The following FAM237A variants were observed in gnomAD, a reference collection of about 807,000 sequenced individuals.
FAM237A encodes the protein protein FAM237A.
FAM237A carries 14 observed loss-of-function variants against 12.5 expected under a neutral mutation model. The ratio of observed to expected loss-of-function variants is 1.12; its 90% CI spans 0.74 to 1.75. The LOEUF (loss-of-function observed/expected upper bound fraction) is 1.75. FAM237A is among the 40% of genes most tolerant of loss of function. FAM237A has a pLI of 0.00. For missense variants in FAM237A, 240 were observed against 211.7 expected (o/e 1.13, Z -0.83); for synonymous variants, 85 against 77.5 (o/e 1.10, Z -0.51).
intron 2 of FAM237A, among the ~76,000 whole-genome samples, chr2:206,645,738 A>C (rs1055059576): frequency 2.0e-5 from 3 of 152,206 alleles, no homozygotes; most frequent in African/African-American, 7.2e-5. Flanking sequence ...AAAAACCCAG[A>C]TAATTCATGG....
At chr2:206,648,460 G>A (rs1017834331) in intron 2 of FAM237A, among the ~76,000 whole-genome samples, 1 of 151,958 alleles carries the variant, frequency 6.6e-6, no homozygotes, top group Non-Finnish European at 1.5e-5. Flanking sequence ...ATTTGTTTTA[G>A]ATTATATAAC....
At chr2:206,646,517 T>C (rs188062502) in intron 2 of FAM237A, among the ~76,000 whole-genome samples, 1 of 152,334 alleles carries the variant, frequency 6.6e-6, no homozygotes, top group African/African-American at 2.4e-5. Flanking sequence ...TCCTTCGTCT[T>C]GCTACGGAGT....
intron 2 of FAM237A, among the ~76,000 whole-genome samples, chr2:206,647,353 G>A (rs775187790): frequency 9.9e-5 from 15 of 152,132 alleles, no homozygotes; most frequent in African/African-American, 1.7e-4. Context: ...CCCAAGGACC[G>A]TTGACTGAGC....
In FAM237A at chr2:206,648,654, C is replaced by T. The variant is rs1168880503; in HGVS notation, c.413-7C>T. ...GATCTTATGAAGTTCCGCTTTTCTA[C>T]TTTCAGGTACATATTCTCAGCTCCT... On this transcript the variant is annotated splice_region_variant and splice_polypyrimidine_tract_variant and intron_variant, in intron 2 of 2. Coordinates refer to ENST00000441223, the MANE Select transcript of FAM237A (RefSeq NM_001102659.3). The T allele has an allele frequency of 6.3e-7, 1 of 1,579,412 alleles. No homozygotes were observed. Among genetic ancestry groups the T allele is most frequent in the Non-Finnish European group, 8.6e-7 (1 of 1,164,986 alleles).
intron 2 of FAM237A, 74 bp downstream of exon 2, chr2:206,644,722 G>T: frequency 7.2e-7 from 1 of 1,387,812 alleles, no homozygotes; most frequent in East Asian, 2.5e-5. Flanking sequence ...GAGGAAGAGG[G>T]AAATGGCATT....
Position 206,644,232 on chromosome 2 carries a change from G to C in FAM237A, c.-5G>C, listed in dbSNP as rs1315715909. The C allele has an allele frequency of 6.3e-7, 1 of 1,586,260 alleles. No individual in the cohort carries two copies. Among genetic ancestry groups the C allele is most frequent in the South Asian group, 1.2e-5 (1 of 85,900 alleles). ...AATATTTCCATCCTGTGCAGTTTTA[G>C]GGCCATGGCTGATCCTGGGAACAGA... On this transcript the variant is annotated 5_prime_UTR_variant, in exon 2 of 3. Coordinates refer to ENST00000441223, the MANE Select transcript of FAM237A (RefSeq NM_001102659.3).
intron 1 of FAM237A, chr2:206,643,416 C>G (rs1008625697): frequency 6.6e-6 from 1 of 151,792 alleles, no homozygotes; most frequent in Non-Finnish European, 1.5e-5. Context: ...TGCACCTGTC[C>G]GAAGTGGTAA....
At position 206,648,748 on chromosome 2, in the gene FAM237A, G is replaced by A; in HGVS notation, c.500G>A (p.Gly167Glu). Residue 167 changes from glycine (G) to glutamate (E), a missense_variant, in exon 3 of 3, where the codon GGG becomes GAG. Transcript: ENST00000441223. ...DLISMHVRRS[G>E]SSVIGKVNLE... is the part of the protein sequence containing the mutation. ...ATAAGCATGCATGTGCGTAGGAGTG[G>A]GTCTAGTGTCATTGGAAAAGTGAAC... The A allele has an allele frequency of 6.4e-7, 1 of 1,556,614 alleles. No homozygotes were observed. The highest frequency in any genetic ancestry group is 8.7e-7 in the Non-Finnish European group (1 of 1,149,552).
At chr2:206,647,010 A>G (rs1476797941) in intron 2 of FAM237A, among the ~76,000 whole-genome samples, 3 of 152,222 alleles carry the variant, frequency 2.0e-5, no homozygotes, top group Non-Finnish European at 4.4e-5. Context: ...TGATGTCTTC[A>G]GATCAAATAG....
intron 2 of FAM237A, among the ~76,000 whole-genome samples, chr2:206,646,264 C>T (rs952017665): frequency 1.1e-4 from 17 of 151,502 alleles, no homozygotes; most frequent in African/African-American, 3.6e-4. Context: ...GATCGCACCA[C>T]TGCACTCCAG....
intron 1 of FAM237A, chr2:206,643,280 T>C (rs1699276059): frequency 6.6e-6 from 1 of 152,236 alleles, no homozygotes; most frequent in Non-Finnish European, 1.5e-5. Flanking sequence ...TCCTATTTTT[T>C]CTTTATGTTA....
Position 206,642,487 on chromosome 2 carries a change from C to A in FAM237A, c.-106C>A. 6.6e-6 allele frequency: 1 copy of A among 152,670 alleles called. No individual in the cohort carries two copies. Among genetic ancestry groups the A allele is most frequent in the Non-Finnish European group, 1.5e-5 (1 of 68,290 alleles). The allele number at this position is 152,670 out of a possible 1,614,324, so 9.5% of individuals were successfully genotyped here. A position where few individuals can be genotyped will look rare whatever the true frequency, so the allele number is the denominator to read the frequency against. On this transcript the variant is annotated 5_prime_UTR_variant, in exon 1 of 3. Coordinates refer to ENST00000441223, the MANE Select transcript of FAM237A (RefSeq NM_001102659.3). This position sits in a 1 kb window ranked among gnomAD's most constrained non-coding sequence, Gnocchi z 5.1. ...TCCTCTCCGCGTACTCGAGGGAACTCTCTCCACGCGTTCGAGGGAACCCGG... is the reference window on the plus strand; with the variant it reads ...TCCTCTCCGCGTACTCGAGGGAACTATCTCCACGCGTTCGAGGGAACCCGG...
chr2:206,647,234 GAC>G (rs1056071301), intron 2 of FAM237A, among the ~76,000 whole-genome samples: 43 of 152,302 alleles, frequency 2.8e-4, no homozygotes, highest in African/African-American at 9.9e-4. Context: ...GAAAGTAGAT[GAC>G]ACACAAAGTC....
At chr2:206,643,159 A>C (rs1330292237) in intron 1 of FAM237A, among the ~76,000 whole-genome samples, 1 of 152,236 alleles carries the variant, frequency 6.6e-6, no homozygotes, top group East Asian at 1.9e-4. Flanking sequence ...ATCATTAAAT[A>C]TTCCAATATA....
chr2:206,647,387 G>T (rs1489056574), intron 2 of FAM237A, among the ~76,000 whole-genome samples: 1 of 152,148 alleles, frequency 6.6e-6, no homozygotes, highest in Non-Finnish European at 1.5e-5. Context: ...GGACACCATG[G>T]CTGTTTGTAA....
At chr2:206,647,528 A>G (rs559416911) in intron 2 of FAM237A, among the ~76,000 whole-genome samples, 67 of 152,250 alleles carry the variant, frequency 4.4e-4, no homozygotes, top group Admixed American at 1.5e-3. Context: ...TGAAGTATCC[A>G]AGAGAAGGTA....
chr2:206,647,923 C>T (rs754917869), intron 2 of FAM237A, among the ~76,000 whole-genome samples: 1 of 152,046 alleles, frequency 6.6e-6, no homozygotes, highest in Admixed American at 6.6e-5. Flanking sequence ...TTTTCCTCTG[C>T]GATGAGAAAA....
At chr2:206,647,652 CACACACACACACACAG>C (rs1352053911) in intron 2 of FAM237A, among the ~76,000 whole-genome samples, 5 of 151,206 alleles carry the variant, frequency 3.3e-5, no homozygotes, top group African/African-American at 9.8e-5. Flanking sequence ...CACACACACA[CACACACACACACACAG>C]AGAGAGTGTG....
intron 2 of FAM237A, among the ~76,000 whole-genome samples, chr2:206,646,480 G>A (rs6435343): frequency 0.65 from 99,064 of 151,994 alleles, 32,309 homozygotes; most frequent in African/African-American, 0.69. Flanking sequence ...GCTTTTCTCC[G>A]AGACAGCTTC....
Sources: allele counts gnomAD v4.1 joint callset (sites outside exome capture counted in the v4.1 genomes callset), GRCh38; gene constraint gnomAD v4.1.1; non-coding constraint Gnocchi (gnomAD v3.1); transcripts MANE v1.5; gene names NCBI Gene and HGNC (gene_info 2026-07-23, HGNC 2026-07-21).